Variants in ABHD17B observed in about 807,000 individuals in gnomAD.
The protein encoded by ABHD17B is abhydrolase domain containing 17B, depalmitoylase, also known as alpha/beta hydrolase domain-containing protein 17B.
Under a neutral mutation model 26.2 loss-of-function variants are expected in ABHD17B, and 9 were observed. The ratio of observed to expected loss-of-function variants is 0.34; its 90% CI spans 0.21 to 0.60. The LOEUF is 0.60. Ranked by LOEUF, ABHD17B falls within the 20% of genes least tolerant of loss-of-function variation. ABHD17B has a pLI of 0.80. For synonymous variants in ABHD17B, 127 were observed against 122.3 expected (o/e 1.04, Z -0.25); for missense variants, 224 against 352.1 (o/e 0.64, Z 2.91).
At chr9:71,879,360 A>G (rs953053143) in intron 1 of ABHD17B, among the ~76,000 whole-genome samples, 18 of 152,242 alleles carry the variant, frequency 1.2e-4, no homozygotes, top group Non-Finnish European at 1.8e-4. Flanking sequence ...AAGAGGATTG[A>G]CAAAAGAGAG....
chr9:71,904,856 T>C (rs1374809981), intron 1 of ABHD17B, among the ~76,000 whole-genome samples: 2 of 152,180 alleles, frequency 1.3e-5, no homozygotes, highest in Non-Finnish European at 2.9e-5. Context: ...CATCTTAACA[T>C]AAAAAATTAC....
At chr9:71,903,484 A>C (rs935178480) in intron 1 of ABHD17B, among the ~76,000 whole-genome samples, 3 of 152,208 alleles carry the variant, frequency 2.0e-5, no homozygotes, top group Admixed American at 6.5e-5. Context: ...GTCTCTATGC[A>C]ATTAGCAACC....
chr9:71,876,645 A>G (rs1055899338), intron 1 of ABHD17B, among the ~76,000 whole-genome samples: 1 of 152,178 alleles, frequency 6.6e-6, no homozygotes, highest in African/African-American at 2.4e-5. Context: ...ATAGGGGGAA[A>G]AAAGTACCCT....
At chr9:71,874,556 C>A (rs1226238563) in intron 2 of ABHD17B, 58 bp downstream of exon 2, 1 of 1,397,716 alleles carries the variant, frequency 7.2e-7, no homozygotes, top group Non-Finnish European at 9.7e-7. Flanking sequence ...TATTCTTACA[C>A]AAGATATTTT....
At chr9:71,896,661 A>G (rs1188812584) in intron 1 of ABHD17B, among the ~76,000 whole-genome samples, 1 of 147,004 alleles carries the variant, frequency 6.8e-6, no homozygotes, top group Non-Finnish European at 1.5e-5. Flanking sequence ...ATGTATATAT[A>G]CAGTTCTATC....
chr9:71,896,245 T>G (rs1490278736), intron 1 of ABHD17B, among the ~76,000 whole-genome samples: 2 of 152,212 alleles, frequency 1.3e-5, no homozygotes, highest in African/African-American at 4.8e-5. Context: ...TTCTATATGA[T>G]TAACATTCTC....
chr9:71,893,427 C>A (rs571494243), intron 1 of ABHD17B, among the ~76,000 whole-genome samples: 1 of 152,090 alleles, frequency 6.6e-6, no homozygotes, highest in African/African-American at 2.4e-5. Flanking sequence ...TGTGTTAGAG[C>A]GACGCACAGA....
chr9:71,890,879 T>C (rs1335510935), intron 1 of ABHD17B, among the ~76,000 whole-genome samples: 1 of 152,224 alleles, frequency 6.6e-6, no homozygotes, highest in African/African-American at 2.4e-5. Flanking sequence ...CTGTTTTAAT[T>C]TGAAATAATT....
intron 1 of ABHD17B, among the ~76,000 whole-genome samples, chr9:71,875,429 T>C (rs1264320245): frequency 6.6e-6 from 1 of 152,160 alleles, no homozygotes; most frequent in Non-Finnish European, 1.5e-5. Context: ...TTCTCCATGT[T>C]GATCAGATTG....
chr9:71,865,118 G>T (rs902770371), downstream of ABHD17B: 1 of 975,614 alleles, frequency 1.0e-6, no homozygotes, highest in African/African-American at 1.8e-5. Context: ...TAGTGTGGGG[G>T]TGGGGAGCAT....
intron 1 of ABHD17B, among the ~76,000 whole-genome samples, chr9:71,895,871 T>C (rs1826937841): frequency 6.6e-6 from 1 of 152,182 alleles, no homozygotes; most frequent in Admixed American, 6.5e-5. Flanking sequence ...CAGGACTATT[T>C]AGAGCTGTGG....
chr9:71,875,230 C>CCT (rs1826232016), intron 1 of ABHD17B, 147 bp from the exon 2 acceptor site: 1 of 480,312 alleles, frequency 2.1e-6, no homozygotes, highest in Middle Eastern at 5.8e-4. Context: ...TTTTTGGCTT[C>CCT]TTTTTTTTTT....
intron 2 of ABHD17B, among the ~76,000 whole-genome samples, chr9:71,874,405 A>C (rs1826200517): frequency 6.6e-6 from 1 of 152,226 alleles, no homozygotes; most frequent in Admixed American, 6.5e-5. Flanking sequence ...GTAGACAAAC[A>C]AACCTGAAAC....
chr9:71,872,085 C>T (rs762593835), intron 2 of ABHD17B, among the ~76,000 whole-genome samples: 2 of 152,170 alleles, frequency 1.3e-5, no homozygotes, highest in Non-Finnish European at 2.9e-5. Flanking sequence ...TCTAATTACA[C>T]ACATTTCATT....
Position 71,866,467 on chromosome 9 carries a change from C to G in ABHD17B, c.*320G>C. The stretch of plus-strand genomic sequence containing the variant: ...TTTAAAAATATTTATAAATTTGTTT[C>G]TAGTATGCAAAAGCATTTGGCAATA... On this transcript the variant is annotated 3_prime_UTR_variant, in exon 4 of 4. Coordinates refer to ENST00000333421, the MANE Select transcript of ABHD17B (RefSeq NM_001025780.3). 1 of 1,030,892 alleles carries G rather than the reference C, an allele frequency of 9.7e-7. No homozygotes were observed. The highest frequency in any genetic ancestry group is 1.2e-6 in the Non-Finnish European group (1 of 854,210). 63.9% of individuals were successfully genotyped at this position (1,030,892 alleles called of 1,614,324 possible). A position where few individuals can be genotyped will look rare whatever the true frequency, so the allele number is the denominator to read the frequency against.
rs1264535342 is a variant in ABHD17B at position 71,911,152 on chromosome 9, G to C, written c.-522C>G. On this transcript the variant is annotated 5_prime_UTR_variant, in exon 1 of 4. Coordinates refer to ENST00000333421, the MANE Select transcript of ABHD17B (RefSeq NM_001025780.3). ...AGGAAGACTGGAGGGGAACGGAGGG[G>C]ACGAGCACAATCCCCACTGAGCCAG... Among the ~76,000 whole-genome samples, 1 of 152,174 alleles carries C rather than the reference G, an allele frequency of 6.6e-6. No homozygotes were observed. Among genetic ancestry groups the C allele is most frequent in the African/African-American group, 2.4e-5 (1 of 41,454 alleles).
intron 1 of ABHD17B, among the ~76,000 whole-genome samples, chr9:71,887,472 T>A (rs983877523): frequency 1.3e-5 from 2 of 152,226 alleles, no homozygotes; most frequent in Non-Finnish European, 2.9e-5. Flanking sequence ...CTCAGTTTCT[T>A]GATACTGCTA....
chr9:71,891,948 T>C (rs1018294040), intron 1 of ABHD17B, among the ~76,000 whole-genome samples: 4 of 152,214 alleles, frequency 2.6e-5, no homozygotes, highest in African/African-American at 4.8e-5. Flanking sequence ...GACAGCACGA[T>C]AGCACAGTGT....
intron 1 of ABHD17B, among the ~76,000 whole-genome samples, chr9:71,903,437 A>C (rs1427754992): frequency 6.6e-6 from 1 of 152,208 alleles, no homozygotes; most frequent in East Asian, 1.9e-4. Flanking sequence ...AATATAATCA[A>C]ATGTAATCAG....
Sources: allele counts gnomAD v4.1 joint callset (sites outside exome capture counted in the v4.1 genomes callset), GRCh38; gene constraint gnomAD v4.1.1; transcripts MANE v1.5; gene names NCBI Gene and HGNC (gene_info 2026-07-23, HGNC 2026-07-21).